SREK1IP1: variants seen among roughly 807,000 people sequenced by gnomAD.
The protein encoded by SREK1IP1 is SREK1 interacting protein 1.
Under a neutral mutation model 22.8 loss-of-function variants are expected in SREK1IP1, and 12 were observed. The ratio of observed to expected loss-of-function variants is 0.53; its 90% CI spans 0.34 to 0.85. The LOEUF (loss-of-function observed/expected upper bound fraction) is 0.85. Ranked by LOEUF, SREK1IP1 falls within the 40% of genes least tolerant of loss-of-function variation. The pLI is 0.02. For synonymous variants in SREK1IP1, 53 were observed against 52.7 expected (o/e 1.01, Z -0.02); for missense variants, 147 against 171.8 (o/e 0.86, Z 0.81).
At chr5:64,768,303 T>C (rs1290039698) in intron 1 of SREK1IP1, among the ~76,000 whole-genome samples, 3 of 152,204 alleles carry the variant, frequency 2.0e-5, no homozygotes, top group Non-Finnish European at 4.4e-5. Context: ...GCTTGGCTCC[T>C]GGGGGGAAGA....
rs1742232071 is a variant in SREK1IP1, at chr5:64,724,566, A to G, written c.286T>C (p.Ser96Pro). Residue 96 changes from serine (S) to proline (P), a missense_variant, in exon 5 of 5, where the codon TCA (serine) becomes CCA (proline). Physicochemically the swap from Ser to Pro is moderately conservative, Grantham distance 74. Around this residue, in one of 3 missense-constraint regions of SREK1IP1, gnomAD observed 82 missense variants for 81.7 expected, o/e 1.00. Transcript: ENST00000513458. Reference sequence around the variant, plus strand: ...GTGTCCTCTTCAGTGGAACTGGATGAGTAAGACCTATGGATAATAATACAT... The same window carrying G: ...GTGTCCTCTTCAGTGGAACTGGATGGGTAAGACCTATGGATAATAATACAT... Reference protein sequence around the residue: ...KLKKKRKRSYSSSSTEEDTSK... With the variant: ...KLKKKRKRSYPSSSTEEDTSK... 2 of 1,562,298 alleles carry G rather than the reference A, an allele frequency of 1.3e-6. No individual in the cohort carries two copies. Among genetic ancestry groups the G allele is most frequent in the Non-Finnish European group, 1.7e-6 (2 of 1,164,482 alleles).
chr5:64,727,553 A>ATATATATATATATATATATATTTTT, intron 4 of SREK1IP1: 1 of 84,716 alleles, frequency 1.2e-5, no homozygotes, highest in African/African-American at 5.5e-5. Context: ...ATATATATAT[A>ATATATATATATATATATATATTTTT]TTTTTTTTTT....
At chr5:64,734,952 G>C (rs562638069) in intron 3 of SREK1IP1, among the ~76,000 whole-genome samples, 68 of 152,206 alleles carry the variant, frequency 4.5e-4, no homozygotes, top group Middle Eastern at 3.4e-3. Flanking sequence ...ATGTTGAGTA[G>C]AAGTGGTATG....
intron 2 of SREK1IP1, among the ~76,000 whole-genome samples, chr5:64,744,849 G>A (rs936318589): frequency 6.6e-6 from 1 of 152,178 alleles, no homozygotes; most frequent in Non-Finnish European, 1.5e-5. Context: ...TACTTACAAG[G>A]TATAGGCTGA....
intron 1 of SREK1IP1, among the ~76,000 whole-genome samples, chr5:64,757,679 G>A (rs889957308): frequency 2.0e-5 from 3 of 151,972 alleles, no homozygotes; most frequent in Non-Finnish European, 4.4e-5. Context: ...ACTTTTCATG[G>A]ATTTCTTATT....
chr5:64,763,253 G>A (rs765049047), intron 1 of SREK1IP1, among the ~76,000 whole-genome samples: 1 of 151,958 alleles, frequency 6.6e-6, no homozygotes, highest in East Asian at 1.9e-4. Flanking sequence ...AGAAGAGACA[G>A]AGAGGCTGGG....
chr5:64,747,301 T>C (rs1300644938), intron 2 of SREK1IP1, among the ~76,000 whole-genome samples: 1 of 152,182 alleles, frequency 6.6e-6, no homozygotes, highest in Admixed American at 6.5e-5. Context: ...TCTAATCACA[T>C]GGATTGTTCC....
intron 1 of SREK1IP1, among the ~76,000 whole-genome samples, chr5:64,764,870 AG>A (rs1458322155): frequency 4.6e-5 from 7 of 152,254 alleles, no homozygotes; most frequent in African/African-American, 1.7e-4. Flanking sequence ...GATGTAATTG[AG>A]AATTCTTCTA....
chr5:64,757,064 G>A (rs1429681087), intron 1 of SREK1IP1, among the ~76,000 whole-genome samples: 1 of 152,134 alleles, frequency 6.6e-6, no homozygotes, highest in African/African-American at 2.4e-5. Flanking sequence ...TTGGTGTTAT[G>A]AAGTTAAAAC....
chr5:64,767,511 T>C (rs1743062739), intron 1 of SREK1IP1, among the ~76,000 whole-genome samples: 1 of 152,186 alleles, frequency 6.6e-6, no homozygotes, highest in Non-Finnish European at 1.5e-5. Context: ...CTTCAGTTAG[T>C]ACAAAAGCAC....
intron 1 of SREK1IP1, among the ~76,000 whole-genome samples, chr5:64,759,643 A>G (rs1469402371): frequency 6.6e-6 from 1 of 152,234 alleles, no homozygotes; most frequent in Non-Finnish European, 1.5e-5. Context: ...CTATGTATAT[A>G]TCTCAGCAAA....
intron 3 of SREK1IP1, among the ~76,000 whole-genome samples, chr5:64,728,736 G>A (rs1008777547): frequency 6.6e-6 from 1 of 151,734 alleles, no homozygotes; most frequent in African/African-American, 2.4e-5. Flanking sequence ...ACTTAACATA[G>A]CAGATATTTA....
chr5:64,762,404 G>A (rs1317072196), intron 1 of SREK1IP1, among the ~76,000 whole-genome samples: 1 of 151,876 alleles, frequency 6.6e-6, no homozygotes, highest in African/African-American at 2.4e-5. Flanking sequence ...TTACAATCGG[G>A]GAACCTATAA....
At chr5:64,751,675 A>G (rs957705087) in intron 2 of SREK1IP1, among the ~76,000 whole-genome samples, 4 of 152,222 alleles carry the variant, frequency 2.6e-5, no homozygotes, top group African/African-American at 9.6e-5. Context: ...TGCTGACAAT[A>G]AAAAACACTT....
chr5:64,751,328 T>C (rs1396573968), intron 2 of SREK1IP1, among the ~76,000 whole-genome samples: 1 of 152,192 alleles, frequency 6.6e-6, no homozygotes, highest in Non-Finnish European at 1.5e-5. Flanking sequence ...GTTATTATTC[T>C]AAAATATGTT....
At chr5:64,735,936 A>G (rs1448653498) in intron 3 of SREK1IP1, among the ~76,000 whole-genome samples, 1 of 152,024 alleles carries the variant, frequency 6.6e-6, no homozygotes. Flanking sequence ...TAGTTTGTTA[A>G]GGTGGAAGTT....
chr5:64,759,714 C>T (rs770943370), intron 1 of SREK1IP1, among the ~76,000 whole-genome samples: 4 of 151,992 alleles, frequency 2.6e-5, no homozygotes, highest in African/African-American at 4.8e-5. Context: ...TTCACAGAAA[C>T]GGAAATAGAA....
chr5:64,764,033 C>T (rs1468268260), intron 1 of SREK1IP1, among the ~76,000 whole-genome samples: 1 of 152,080 alleles, frequency 6.6e-6, no homozygotes, highest in Admixed American at 6.6e-5. Context: ...TCACTTTTGT[C>T]CCCTTTCTTA....
At chr5:64,746,125 A>C (rs1250954144) in intron 2 of SREK1IP1, among the ~76,000 whole-genome samples, 1 of 152,220 alleles carries the variant, frequency 6.6e-6, no homozygotes, top group African/African-American at 2.4e-5. Flanking sequence ...GTGTGGAAAG[A>C]ATTGTCTTTT....
Sources: allele counts gnomAD v4.1 joint callset (sites outside exome capture counted in the v4.1 genomes callset), GRCh38; gene constraint gnomAD v4.1.1; regional missense constraint gnomAD v4.1.1; transcripts MANE v1.5; gene names NCBI Gene and HGNC (gene_info 2026-07-23, HGNC 2026-07-21).